WWOX: variants seen among roughly 807,000 people sequenced by gnomAD.
WWOX encodes the protein WW domain containing oxidoreductase.
WWOX carries 69 observed loss-of-function variants against 46.2 expected under a neutral mutation model. The observed-to-expected ratio is 1.49, with a 90% confidence interval of 1.23 to 1.82. WWOX has a LOEUF of 1.82. Ranked by LOEUF, WWOX falls within the 40% of genes most tolerant of loss-of-function variation. WWOX has a pLI of 0.00. For missense variants in WWOX, 919 were observed against 542.6 expected, an observed-to-expected ratio of 1.69 and a Z score of -6.89; for synonymous variants, 359 against 202.6, an observed-to-expected ratio of 1.77 and a Z score of -6.56.
chr16:78,811,926 C>G (rs910177280), intron 8 of WWOX, among the ~76,000 whole-genome samples: 1 of 152,152 alleles, frequency 6.6e-6, no homozygotes, highest in Admixed American at 6.5e-5. Flanking sequence ...TGTTAGGGTT[C>G]TTTTGAGGAA....
intron 8 of WWOX, among the ~76,000 whole-genome samples, chr16:79,020,224 G>C (rs557857599): frequency 6.6e-6 from 1 of 152,222 alleles, no homozygotes; most frequent in African/African-American, 2.4e-5. Flanking sequence ...CCCATTGAGA[G>C]ACATAAGGAT....
intron 5 of WWOX, among the ~76,000 whole-genome samples, chr16:78,314,354 C>T (rs778151057): frequency 1.1e-3 from 160 of 144,126 alleles, no homozygotes; most frequent in Non-Finnish European, 1.9e-3. Flanking sequence ...TGCAGTGAGC[C>T]GAGATCGAGC....
At chr16:78,958,380 A>T (rs1187061384) in intron 8 of WWOX, among the ~76,000 whole-genome samples, 1 of 152,252 alleles carries the variant, frequency 6.6e-6, no homozygotes, top group African/African-American at 2.4e-5. Context: ...ACCCCCATGG[A>T]AATATATACT....
chr16:78,945,175 G>C (rs942325217), intron 8 of WWOX, among the ~76,000 whole-genome samples: 3 of 152,042 alleles, frequency 2.0e-5, no homozygotes, highest in African/African-American at 7.2e-5. Context: ...GTGACACCCT[G>C]TGTCAAAAAA....
At chr16:78,164,438 A>C (rs1249898825) in intron 5 of WWOX, 149 bp downstream of exon 5, 7 of 762,156 alleles carry the variant, frequency 9.2e-6, no homozygotes, top group African/African-American at 1.7e-5. Flanking sequence ...TTGTCTTATG[A>C]ATGAAAGCAT....
At chr16:78,637,731 C>T (rs975297694) in intron 8 of WWOX, among the ~76,000 whole-genome samples, 2 of 152,196 alleles carry the variant, frequency 1.3e-5, no homozygotes, top group Admixed American at 6.5e-5. Flanking sequence ...TTGAAAGGAG[C>T]TTTAAACACC....
chr16:79,059,645 C>A (rs567598231), intron 8 of WWOX, among the ~76,000 whole-genome samples: 23 of 152,268 alleles, frequency 1.5e-4, no homozygotes, highest in South Asian at 2.1e-4. Context: ...TAGGCGCATG[C>A]CACCATGCCC....
intron 8 of WWOX, among the ~76,000 whole-genome samples, chr16:78,955,548 T>G (rs1024497423): frequency 1.3e-5 from 2 of 152,242 alleles, no homozygotes; most frequent in Non-Finnish European, 2.9e-5. Flanking sequence ...AACTGCACTT[T>G]TTAAAACCAG....
intron 8 of WWOX, among the ~76,000 whole-genome samples, chr16:79,189,939 G>A (rs559958140): frequency 1.3e-5 from 2 of 150,254 alleles, no homozygotes; most frequent in African/African-American, 4.9e-5. Flanking sequence ...GGGGAAGGGG[G>A]GGGGGATAAA....
At chr16:78,428,376 A>G (rs375648763) in intron 7 of WWOX, among the ~76,000 whole-genome samples, 62 of 152,300 alleles carry the variant, frequency 4.1e-4, no homozygotes, top group African/African-American at 1.4e-3. Flanking sequence ...CACCCTTGCC[A>G]CTTCCTGGAG....
intron 5 of WWOX, among the ~76,000 whole-genome samples, chr16:78,375,606 C>T (rs188437183): frequency 1.0e-3 from 157 of 152,248 alleles, no homozygotes; most frequent in Non-Finnish European, 2.0e-3. Flanking sequence ...CCGTAGGCTT[C>T]TTGGGAATGG....
At chr16:78,771,904 A>T (rs2142522208) in intron 8 of WWOX, among the ~76,000 whole-genome samples, 1 of 152,346 alleles carries the variant, frequency 6.6e-6, no homozygotes, top group East Asian at 1.9e-4. Context: ...TGTGTTACAT[A>T]CATTGTACTA....
At chr16:78,767,870 C>T (rs770487132) in intron 8 of WWOX, among the ~76,000 whole-genome samples, 9 of 152,112 alleles carry the variant, frequency 5.9e-5, no homozygotes, top group Non-Finnish European at 1.2e-4. Flanking sequence ...AAAGTAACAT[C>T]CATTTTTGAT....
chr16:78,203,113 A>T (rs1032186723), intron 5 of WWOX, among the ~76,000 whole-genome samples: 1 of 152,182 alleles, frequency 6.6e-6, no homozygotes, highest in African/African-American at 2.4e-5. Context: ...AGGGGAGGTC[A>T]AGTAAAGGCC....
intron 8 of WWOX, among the ~76,000 whole-genome samples, chr16:78,828,697 C>A (rs951011924): frequency 6.6e-6 from 1 of 152,076 alleles, no homozygotes; most frequent in Admixed American, 6.6e-5. Context: ...CAATTATGTG[C>A]AGGGAACTGT....
intron 8 of WWOX, among the ~76,000 whole-genome samples, chr16:78,605,857 T>C (rs1486411494): frequency 6.6e-6 from 1 of 152,160 alleles, no homozygotes; most frequent in Non-Finnish European, 1.5e-5. Context: ...TGTTCTTTTT[T>C]TCCAGCACCA....
At chr16:78,103,076 G>C (rs7191778) in intron 1 of WWOX, among the ~76,000 whole-genome samples, 1 of 151,592 alleles carries the variant, frequency 6.6e-6, no homozygotes, top group Non-Finnish European at 1.5e-5. Flanking sequence ...TTGCTCCTGC[G>C]TGCCCCCTGC....
At chr16:78,695,620 G>C (rs1395511497) in intron 8 of WWOX, among the ~76,000 whole-genome samples, 1 of 152,202 alleles carries the variant, frequency 6.6e-6, no homozygotes, top group East Asian at 1.9e-4. Flanking sequence ...CGGAGTCTTT[G>C]TGGAAAGCAG....
chr16:78,959,500 C>T lies in WWOX; in HGVS notation c.1057-252108C>T, dbSNP rs144521893. On this transcript the variant is annotated intron_variant, in intron 8 of 8. Transcript: ENST00000566780. ...TTAGCCATCCATCTATCTGTCCATC[C>T]ATCTATTCACTCATGCATTCATCCA... Among the ~76,000 whole-genome samples, 1,388 of 152,284 alleles carry T rather than the reference C, an allele frequency of 9.1e-3. 12 individuals are homozygous for T. Among genetic ancestry groups the T allele is most frequent in the Non-Finnish European group, 0.01 (688 of 68,032 alleles).
Sources: allele counts gnomAD v4.1 joint callset (sites outside exome capture counted in the v4.1 genomes callset), GRCh38; gene constraint gnomAD v4.1.1; transcripts MANE v1.5; gene names NCBI Gene and HGNC (gene_info 2026-07-23, HGNC 2026-07-21).